HTR7: variants seen among roughly 807,000 people sequenced by gnomAD.
HTR7 encodes 5-HT-7.
A neutral mutation model predicts 34.0 loss-of-function variants in HTR7; 16 were observed. The ratio of observed to expected loss-of-function variants is 0.47; its 90% CI spans 0.32 to 0.71. The LOEUF (loss-of-function observed/expected upper bound fraction) is 0.71, where lower values mean the gene tolerates loss of function less well. HTR7 is among the 30% of genes least tolerant of loss of function. The pLI is 0.04. For synonymous variants in HTR7, 265 were observed against 260.2 expected (o/e 1.02, Z -0.18); for missense variants, 504 against 625.5 (o/e 0.81, Z 2.07).
intron 1 of HTR7, among the ~76,000 whole-genome samples, chr10:90,831,708 T>C (rs907265261): frequency 5.0e-4 from 76 of 152,142 alleles, no homozygotes; most frequent in Admixed American, 1.3e-4. Flanking sequence ...TTTGACAGGG[T>C]GCTGATTGGT....
intron 1 of HTR7, among the ~76,000 whole-genome samples, chr10:90,803,310 T>C (rs1420020424): frequency 6.6e-6 from 1 of 152,074 alleles, no homozygotes; most frequent in Non-Finnish European, 1.5e-5. Flanking sequence ...TTGTGTCCCT[T>C]CTCCCCTGAT....
intron 1 of HTR7, among the ~76,000 whole-genome samples, chr10:90,820,794 T>G (rs1845967216): frequency 6.6e-6 from 1 of 152,166 alleles, no homozygotes; most frequent in Non-Finnish European, 1.5e-5. Context: ...ATATTGCTTT[T>G]GAACCACTAA....
At chr10:90,768,027 C>A (rs1002883485) in intron 1 of HTR7, among the ~76,000 whole-genome samples, 4 of 152,142 alleles carry the variant, frequency 2.6e-5, no homozygotes, top group Non-Finnish European at 5.9e-5. Context: ...TTAAACACTT[C>A]TATAAGTCTG....
intron 2 of HTR7, among the ~76,000 whole-genome samples, chr10:90,746,242 C>T (rs755916209): frequency 1.3e-5 from 2 of 152,166 alleles, no homozygotes; most frequent in Admixed American, 1.3e-4. Flanking sequence ...GAGAGTGAAT[C>T]CTCAGCAAAC....
chr10:90,820,438 A>T lies in HTR7; in HGVS notation c.539+36695T>A, dbSNP rs551289423. ...AGACCACCATTAGTGCTTAGTGCAA[A>T]GATCTGGACACTCCCAGACATCCTG... On this transcript the variant is annotated intron_variant, in intron 1 of 3. Coordinates refer to ENST00000336152, the MANE Select transcript of HTR7 (RefSeq NM_019859.4). Among the ~76,000 whole-genome samples the T allele has an allele frequency of 6.5e-4, 99 of 152,342 alleles. 1 individual carries two copies. The South Asian group carries it at 0.02, about 31-fold the overall frequency.
At chr10:90,852,216 T>G (rs1846512130) in intron 1 of HTR7, among the ~76,000 whole-genome samples, 2 of 118,364 alleles carry the variant, frequency 1.7e-5, no homozygotes, top group African/African-American at 7.7e-5. Context: ...AAAAAAAAAG[T>G]TTTTAATTTA....
intron 1 of HTR7, among the ~76,000 whole-genome samples, chr10:90,792,339 G>C (rs540421682): frequency 6.6e-6 from 1 of 151,970 alleles, no homozygotes; most frequent in Non-Finnish European, 1.5e-5. Flanking sequence ...TTTGTTTGTG[G>C]GTTTTCATTG....
chr10:90,841,865 T>C (rs1156946646), intron 1 of HTR7, among the ~76,000 whole-genome samples: 1 of 152,140 alleles, frequency 6.6e-6, no homozygotes, highest in East Asian at 1.9e-4. Flanking sequence ...CCAGGCGTGA[T>C]GGTGCACGAC....
At chr10:90,851,537 G>A (rs189213000) in intron 1 of HTR7, among the ~76,000 whole-genome samples, 190 of 150,308 alleles carry the variant, frequency 1.3e-3, no homozygotes, top group Middle Eastern at 6.8e-3. Context: ...TCCAGGAGGC[G>A]GAGCTTGCAG....
intron 2 of HTR7, among the ~76,000 whole-genome samples, chr10:90,744,417 C>A (rs1844603492): frequency 6.6e-6 from 1 of 151,882 alleles, no homozygotes; most frequent in Non-Finnish European, 1.5e-5. Context: ...CCATTTTCTA[C>A]ATTTGGAGTT....
chr10:90,852,220 T>C (rs1345027885), intron 1 of HTR7, among the ~76,000 whole-genome samples: 3 of 124,216 alleles, frequency 2.4e-5, no homozygotes. Context: ...AAAAAGTTTT[T>C]AATTTAAAAA....
chr10:90,762,027 A>G (rs1028077732), intron 1 of HTR7, among the ~76,000 whole-genome samples: 1 of 152,156 alleles, frequency 6.6e-6, no homozygotes, highest in Non-Finnish European at 1.5e-5. Flanking sequence ...TTATCCACTC[A>G]TCCCTTGACA....
At chr10:90,788,434 T>C (rs1328489743) in intron 1 of HTR7, among the ~76,000 whole-genome samples, 2 of 152,204 alleles carry the variant, frequency 1.3e-5, no homozygotes, top group African/African-American at 4.8e-5. Flanking sequence ...GGCCTACATA[T>C]ATACATCTAC....
intron 1 of HTR7, among the ~76,000 whole-genome samples, chr10:90,836,141 C>T (rs192142004): frequency 2.6e-5 from 4 of 152,086 alleles, no homozygotes; most frequent in African/African-American, 4.8e-5. Flanking sequence ...CATCTGAACT[C>T]GATTATTGGA....
intron 1 of HTR7, among the ~76,000 whole-genome samples, chr10:90,751,331 A>T (rs1477202050): frequency 6.6e-6 from 1 of 152,130 alleles, no homozygotes; most frequent in Non-Finnish European, 1.5e-5. Flanking sequence ...GGGAAGAGGG[A>T]GGGAAAAGAA....
chr10:90,772,537 G>T lies in HTR7; in HGVS notation c.540-22943C>A, dbSNP rs75661752. ...TCCTTGTAGTCCCTTTTCACATGACGTATCTTTAAAATAAAGCAAAAATCT... is the reference window on the plus strand; with the variant it reads ...TCCTTGTAGTCCCTTTTCACATGACTTATCTTTAAAATAAAGCAAAAATCT... On this transcript the variant is annotated intron_variant, in intron 1 of 3. Coordinates refer to ENST00000336152, the MANE Select transcript of HTR7 (RefSeq NM_019859.4). 9.3e-4 allele frequency among the ~76,000 whole-genome samples: 142 copies of T among 151,874 alleles called. 1 individual carries two copies. Among genetic ancestry groups the T allele is most frequent in the African/African-American group, 3.2e-3 (134 of 41,238 alleles).
Position 90,749,384 on chromosome 10 carries a change from G to T in HTR7, c.750C>A (p.Ile250=). ...TIYSTAVAFY[I]PMSVMLFMYY... ...ACATGAAAAGCATGACGGACATGGG[G>T]ATATAAAATGCCACTGCGGTAGAGT... Residue 250 remains isoleucine, a synonymous_variant, in exon 2 of 4, where the codon ATC becomes ATA. Coordinates refer to ENST00000336152, the MANE Select transcript of HTR7 (RefSeq NM_019859.4). This position sits in a 1 kb window ranked among gnomAD's most constrained non-coding sequence, Gnocchi z 4.2. The T allele has an allele frequency of 6.2e-7, 1 of 1,614,170 alleles. No homozygotes were observed. The highest frequency in any genetic ancestry group is 8.5e-7 in the Non-Finnish European group (1 of 1,180,034).
intron 1 of HTR7, among the ~76,000 whole-genome samples, chr10:90,806,422 C>T (rs1206670552): frequency 2.6e-5 from 4 of 151,946 alleles, no homozygotes; most frequent in Non-Finnish European, 5.9e-5. Context: ...CACGGTGAAA[C>T]CCCGTCTCTA....
intron 1 of HTR7, among the ~76,000 whole-genome samples, chr10:90,827,040 C>A (rs1030719357): frequency 6.6e-6 from 1 of 151,644 alleles, no homozygotes; most frequent in Non-Finnish European, 1.5e-5. Flanking sequence ...CAAAACAAAA[C>A]AAAACATACC....
Sources: allele counts gnomAD v4.1 joint callset (sites outside exome capture counted in the v4.1 genomes callset), GRCh38; gene constraint gnomAD v4.1.1; non-coding constraint Gnocchi (gnomAD v3.1); transcripts MANE v1.5; gene names NCBI Gene and HGNC (gene_info 2026-07-23, HGNC 2026-07-21).